Variants in CDH12 observed in about 807,000 individuals in gnomAD.
The protein encoded by CDH12 is cadherin-12.
CDH12 carries 41 observed loss-of-function variants against 74.1 expected under a neutral mutation model. That is an observed-to-expected ratio of 0.55 (90% CI 0.43 to 0.72). The LOEUF (loss-of-function observed/expected upper bound fraction) is 0.72. Among genes scored for constraint, CDH12 ranks in the 30% least tolerant of loss-of-function variants. The pLI, the probability that CDH12 is intolerant of heterozygous loss-of-function variation, is 0.00. For synonymous variants in CDH12, 399 were observed against 355.0 expected, an observed-to-expected ratio of 1.12 and a Z score of -1.39; for missense variants, 945 against 977.2, an observed-to-expected ratio of 0.97 and a Z score of 0.44.
intron 1 of CDH12, among the ~76,000 whole-genome samples, chr5:22,665,947 A>G (rs980526821): frequency 1.3e-5 from 2 of 152,048 alleles, no homozygotes; most frequent in African/African-American, 4.8e-5. Flanking sequence ...TCCTTAGGTA[A>G]TAGCATCTTC....
At chr5:22,008,965 T>G (rs1214273586) in intron 5 of CDH12, among the ~76,000 whole-genome samples, 1 of 152,220 alleles carries the variant, frequency 6.6e-6, no homozygotes, top group African/African-American at 2.4e-5. Flanking sequence ...ACTTGCTTAA[T>G]TTTTTGAATG....
chr5:22,764,734 G>A (rs1746410853), intron 1 of CDH12, among the ~76,000 whole-genome samples: 1 of 151,926 alleles, frequency 6.6e-6, no homozygotes, highest in Admixed American at 6.6e-5. Flanking sequence ...CATCACTTCC[G>A]CGGCATTCCT....
chr5:22,116,571 C>T (rs1302061885), intron 4 of CDH12, among the ~76,000 whole-genome samples: 1 of 151,744 alleles, frequency 6.6e-6, no homozygotes, highest in Admixed American at 6.6e-5. Context: ...TGCCAATGCA[C>T]TCCAGCCTGG....
chr5:22,435,047 T>G (rs1309012762), intron 2 of CDH12, among the ~76,000 whole-genome samples: 6 of 152,152 alleles, frequency 3.9e-5, no homozygotes, highest in Non-Finnish European at 5.9e-5. Context: ...GATTGAAGGA[T>G]GCAAAGTATT....
intron 1 of CDH12, among the ~76,000 whole-genome samples, chr5:22,591,659 C>T (rs879408322): frequency 6.6e-6 from 1 of 152,086 alleles, no homozygotes; most frequent in Admixed American, 6.6e-5. Context: ...CATCACTGCC[C>T]TATTGGAGTC....
chr5:21,798,709 T>C (rs746515326), intron 10 of CDH12, among the ~76,000 whole-genome samples: 2 of 152,112 alleles, frequency 1.3e-5, no homozygotes, highest in African/African-American at 2.4e-5. Flanking sequence ...TACAAAGACA[T>C]GACTTTCTGC....
Position 21,945,454 on chromosome 5 carries a change from A to G in CDH12, c.526+29637T>C, listed in dbSNP as rs1488013038. ...AAAAAAAAAAAAAAAAAAAAAAAAA[A>G]AAAAGAGGTTGGAATTATCTAACAA... On this transcript the variant is annotated intron_variant, in intron 6 of 14. Coordinates refer to ENST00000382254, the MANE Select transcript of CDH12 (RefSeq NM_004061.5). Among the ~76,000 whole-genome samples, 5 of 144,472 alleles carry G rather than the reference A, an allele frequency of 3.5e-5. 1 individual carries two copies. In the East Asian group the frequency reaches 9.7e-4, roughly 28 times the overall value. 94.8% of individuals were successfully genotyped at this position (144,472 alleles called of 152,430 possible). A position where few individuals can be genotyped will look rare whatever the true frequency, so the allele number is the denominator to read the frequency against.
chr5:22,327,973 T>C (rs916281005), intron 3 of CDH12, among the ~76,000 whole-genome samples: 4 of 152,188 alleles, frequency 2.6e-5, no homozygotes, highest in African/African-American at 9.6e-5. Context: ...AAAACAGATA[T>C]ATGTATTGGA....
At chr5:22,221,928 TTTAA>T (rs556117221) in intron 3 of CDH12, among the ~76,000 whole-genome samples, 11 of 151,958 alleles carry the variant, frequency 7.2e-5, no homozygotes, top group Non-Finnish European at 1.3e-4. Flanking sequence ...GTCTTTTTAC[TTTAA>T]TTGTTATCAG....
chr5:22,428,503 G>T (rs1744037483), intron 2 of CDH12, among the ~76,000 whole-genome samples: 1 of 151,988 alleles, frequency 6.6e-6, no homozygotes, highest in African/African-American at 2.4e-5. Flanking sequence ...AAGAGATGTT[G>T]AAACTATCAA....
At chr5:22,309,709 A>G (rs1327183997) in intron 3 of CDH12, among the ~76,000 whole-genome samples, 1 of 152,048 alleles carries the variant, frequency 6.6e-6, no homozygotes, top group African/African-American at 2.4e-5. Flanking sequence ...TTCATCCTCC[A>G]TAATTATAAT....
intron 1 of CDH12, among the ~76,000 whole-genome samples, chr5:22,851,753 T>C (rs1737566553): frequency 6.6e-6 from 1 of 152,168 alleles, no homozygotes; most frequent in Admixed American, 6.5e-5. Flanking sequence ...GAAGAGACAT[T>C]CTGCTAGAAT....
chr5:22,483,932 G>A (rs1746488691), intron 2 of CDH12, among the ~76,000 whole-genome samples: 1 of 149,250 alleles, frequency 6.7e-6, no homozygotes, highest in African/African-American at 2.5e-5. Context: ...GAAGATATCA[G>A]GGGCCATATA....
At chr5:22,483,007 T>C (rs1746441961) in intron 2 of CDH12, among the ~76,000 whole-genome samples, 1 of 152,124 alleles carries the variant, frequency 6.6e-6, no homozygotes, top group Non-Finnish European at 1.5e-5. Context: ...TCTAGTGACT[T>C]TTGGAAAGTA....
At chr5:22,473,690 T>A (rs1262501624) in intron 2 of CDH12, among the ~76,000 whole-genome samples, 3 of 152,168 alleles carry the variant, frequency 2.0e-5, no homozygotes, top group Non-Finnish European at 4.4e-5. Context: ...AAGTCCTAAC[T>A]AATGTGATCA....
intron 8 of CDH12, among the ~76,000 whole-genome samples, chr5:21,839,196 A>G (rs1749704140): frequency 1.3e-5 from 2 of 152,164 alleles, no homozygotes; most frequent in South Asian, 4.1e-4. Flanking sequence ...CACACCATAT[A>G]TTAGAGAAAC....
Position 22,405,256 on chromosome 5 carries a change from C to T in CDH12, c.-333+1G>A, listed in dbSNP as rs1742893753. ...AAAATCATAACAATCAATTTACTTA[C>T]AAGTTAGAGGCAATTTATTTTCTAA... On this transcript the variant is annotated splice_donor_variant, in intron 3 of 14. Coordinates refer to ENST00000382254, the MANE Select transcript of CDH12 (RefSeq NM_004061.5). LOFTEE classifies it low-confidence loss of function (5UTR_SPLICE). 7 of 867,660 alleles carry T rather than the reference C, an allele frequency of 8.1e-6. No individual in the cohort carries two copies. The Admixed American group carries it at 1.9e-4, about 23-fold the overall frequency. The allele number at this position is 867,660 out of a possible 1,614,324, so 53.7% of individuals were successfully genotyped here.
At chr5:21,886,307 G>T (rs763369261) in intron 6 of CDH12, among the ~76,000 whole-genome samples, 1 of 151,482 alleles carries the variant, frequency 6.6e-6, no homozygotes, top group East Asian at 1.9e-4. Flanking sequence ...TCATTACCAG[G>T]CATATTCACT....
chr5:22,317,877 C>G (rs1277093228), intron 3 of CDH12, among the ~76,000 whole-genome samples: 1 of 152,182 alleles, frequency 6.6e-6, no homozygotes, highest in Non-Finnish European at 1.5e-5. Flanking sequence ...TGTTGACAGA[C>G]AGCAAGATTC....
Sources: allele counts gnomAD v4.1 joint callset (sites outside exome capture counted in the v4.1 genomes callset), GRCh38; gene constraint gnomAD v4.1.1; transcripts MANE v1.5; gene names NCBI Gene and HGNC (gene_info 2026-07-23, HGNC 2026-07-21).